Variants in ANAPC1 observed in about 807,000 individuals in gnomAD.
The protein encoded by ANAPC1 is anaphase-promoting complex subunit 1.
Under a neutral mutation model 208.0 loss-of-function variants are expected in ANAPC1, and 36 were observed. The observed-to-expected ratio is 0.17, with a 90% confidence interval of 0.13 to 0.23. The LOEUF is 0.23. Ranked by LOEUF, ANAPC1 falls within the 10% of genes least tolerant of loss-of-function variation. The pLI is 1.00. For missense variants in ANAPC1, 942 were observed against 2,011.6 expected, an observed-to-expected ratio of 0.47 and a Z score of 10.17; for synonymous variants, 378 against 695.2, an observed-to-expected ratio of 0.54 and a Z score of 7.18.
chr2:111,821,682 C>T lies in ANAPC1; in HGVS notation c.2992-229G>A, dbSNP rs534760910. On this transcript the variant is annotated intron_variant, in intron 25 of 47. Transcript: ENST00000341068. ...GTGTGGTGGCTCACACTCTGTAATC[C>T]CAGCACTTTGGGAGGCCGAGGTGGG... The T allele has an allele frequency of 4.7e-4, 217 of 459,088 alleles. 1 individual carries two copies. The highest frequency in any genetic ancestry group is 3.4e-3 in the African/African-American group (170 of 50,616). The allele number at this position is 459,088 out of a possible 1,614,324, so 28.4% of individuals were successfully genotyped here.
intron 13 of ANAPC1, among the ~76,000 whole-genome samples, chr2:111,853,931 T>C (rs1338872555): frequency 6.6e-6 from 1 of 152,102 alleles, no homozygotes; most frequent in Non-Finnish European, 1.5e-5. Context: ...TTAGCCAGGA[T>C]GGTCTCGATC....
intron 18 of ANAPC1, among the ~76,000 whole-genome samples, chr2:111,835,834 T>A (rs1680437729): frequency 6.6e-6 from 1 of 152,048 alleles, no homozygotes; most frequent in East Asian, 1.9e-4. Flanking sequence ...AGAGCGAGAC[T>A]CCATCTCAAA....
intron 3 of ANAPC1, among the ~76,000 whole-genome samples, chr2:111,877,484 T>C (rs930400989): frequency 4.6e-5 from 7 of 152,164 alleles, no homozygotes; most frequent in Non-Finnish European, 7.3e-5. Flanking sequence ...GTTTTAATAA[T>C]TATCAAGCTT....
chr2:111,767,007 G>C, downstream of ANAPC1: 1 of 469,694 alleles, frequency 2.1e-6, no homozygotes, highest in South Asian at 1.6e-5. Flanking sequence ...TGCAAGGGAG[G>C]AACGCAGATG....
chr2:111,845,457 T>C (rs1271904794), intron 16 of ANAPC1, among the ~76,000 whole-genome samples: 1 of 152,148 alleles, frequency 6.6e-6, no homozygotes, highest in African/African-American at 2.4e-5. Context: ...AAGTATGTCA[T>C]AGTGGAATCC....
intron 20 of ANAPC1, 107 bp downstream of exon 20, chr2:111,833,113 G>A: frequency 7.1e-7 from 1 of 1,401,554 alleles, no homozygotes; most frequent in African/African-American, 1.4e-5. Flanking sequence ...CACTGCCCCT[G>A]ACTTAGAAGC....
chr2:111,859,892 A>T (rs1012247444), intron 10 of ANAPC1, among the ~76,000 whole-genome samples: 1 of 152,230 alleles, frequency 6.6e-6, no homozygotes, highest in Non-Finnish European at 1.5e-5. Flanking sequence ...TAGTCCGTAT[A>T]GCCTACTACT....
chr2:111,857,022 G>A (rs1057440741), intron 11 of ANAPC1, 136 bp from the exon 12 acceptor site: 9 of 590,462 alleles, frequency 1.5e-5, no homozygotes, highest in South Asian at 6.2e-5. Context: ...ATTCACAAAT[G>A]CCAAATTATC....
At chr2:111,874,188 C>CT (rs35366435) in intron 3 of ANAPC1, among the ~76,000 whole-genome samples, 1 of 152,136 alleles carries the variant, frequency 6.6e-6, no homozygotes, top group African/African-American at 2.4e-5. Flanking sequence ...AGCTATTAAA[C>CT]TTTAACTGAC....
At chr2:111,820,936 C>T (rs879550447) in intron 26 of ANAPC1, among the ~76,000 whole-genome samples, 5,862 of 150,636 alleles carry the variant, frequency 0.039, 74 homozygotes, top group Middle Eastern at 0.082. Context: ...CTTAAGGTAA[C>T]TATCAGGCAA....
At chr2:111,879,198 A>C (rs1023255273) in intron 2 of ANAPC1, among the ~76,000 whole-genome samples, 1 of 152,210 alleles carries the variant, frequency 6.6e-6, no homozygotes. Context: ...TTATTCCTCT[A>C]TATTACTCTG....
At chr2:111,871,937 A>C (rs1682772037) in intron 6 of ANAPC1, among the ~76,000 whole-genome samples, 1 of 152,134 alleles carries the variant, frequency 6.6e-6, no homozygotes, top group South Asian at 2.1e-4. Flanking sequence ...TTATCAGCAA[A>C]TAGTGATAGT....
intron 34 of ANAPC1, among the ~76,000 whole-genome samples, chr2:111,799,465 T>A (rs1371006544): frequency 1.3e-5 from 2 of 152,074 alleles, no homozygotes; most frequent in African/African-American, 4.8e-5. Context: ...GGATTGCAAA[T>A]GGAATACACA....
intron 14 of ANAPC1, 51 bp from the exon 15 acceptor site, chr2:111,847,916 A>C (rs759479770): frequency 4.1e-6 from 6 of 1,466,416 alleles, no homozygotes; most frequent in Non-Finnish European, 5.5e-6. Flanking sequence ...TGAGAAATTA[A>C]GGACAAGGAA....
At chr2:111,826,308 T>C (rs559474784) in intron 21 of ANAPC1, among the ~76,000 whole-genome samples, 3 of 152,374 alleles carry the variant, frequency 2.0e-5, no homozygotes, top group East Asian at 3.9e-4. Context: ...ACTCACAATA[T>C]AGTATACTTT....
intron 1 of ANAPC1, among the ~76,000 whole-genome samples, chr2:111,882,259 T>A (rs1055746295): frequency 1.3e-4 from 20 of 151,724 alleles, no homozygotes; most frequent in Non-Finnish European, 2.9e-4. Context: ...GTTTCCTCAG[T>A]CTCCTAGTTC....
intron 6 of ANAPC1, among the ~76,000 whole-genome samples, chr2:111,870,131 G>A (rs1396388170): frequency 6.6e-6 from 1 of 152,196 alleles, no homozygotes; most frequent in African/African-American, 2.4e-5. Context: ...TGGGCACTTA[G>A]GCTGCTTCCT....
chr2:111,770,201 T>TTATATATATATATATATA (rs3055943), intron 47 of ANAPC1, among the ~76,000 whole-genome samples: 2 of 81,548 alleles, frequency 2.5e-5, no homozygotes, highest in East Asian at 3.5e-4. Context: ...TTGTTTAATT[T>TTATATATATATATATATA]TATATATATA....
intron 11 of ANAPC1, chr2:111,857,201 C>T (rs1208825803): frequency 2.1e-5 from 6 of 289,220 alleles, no homozygotes; most frequent in East Asian, 1.5e-4. Context: ...TAAATGAGTA[C>T]ATGTCAAATT....
Sources: gnomAD v4.1 joint callset for allele counts (sites outside exome capture counted in the v4.1 genomes callset) on GRCh38, gnomAD v4.1.1 for gene constraint, MANE v1.5 for transcripts, NCBI Gene and HGNC (gene_info 2026-07-23, HGNC 2026-07-21) for gene names.